NR2F1-AS1: variants seen among roughly 807,000 people sequenced by gnomAD.
NR2F1-AS1 encodes NR2F1 regulatory antisense RNA 1.
intron 4 of NR2F1-AS1, among the ~76,000 whole-genome samples, chr5:93,526,045 C>CA (rs1201351608): frequency 1.3e-5 from 2 of 152,070 alleles, no homozygotes; most frequent in South Asian, 2.1e-4. Context: ...AAAAACCCTT[C>CA]AAAAAATCAA....
chr5:93,448,178 C>T (rs1749757074), intron 4 of NR2F1-AS1, among the ~76,000 whole-genome samples: 1 of 152,008 alleles, frequency 6.6e-6, no homozygotes. Context: ...TGCACATGTA[C>T]CCTAGAACTT....
At chr5:93,582,862 A>G (rs553592983), upstream of NR2F1-AS1, among the ~76,000 whole-genome samples, 1 of 151,062 alleles carries the variant, frequency 6.6e-6, no homozygotes, top group East Asian at 2.0e-4. Flanking sequence ...GGCGATCTCA[A>G]TGTAAATTGC....
chr5:93,585,000 C>A (rs751463741), upstream of NR2F1-AS1: 5 of 993,218 alleles, frequency 5.0e-6, no homozygotes, highest in Non-Finnish European at 2.4e-6. Context: ...TCGGCTCCCC[C>A]CAGCGCTCCC....
intron 4 of NR2F1-AS1, among the ~76,000 whole-genome samples, chr5:93,516,405 T>C (rs1156427630): frequency 6.6e-6 from 1 of 151,838 alleles, no homozygotes; most frequent in African/African-American, 2.4e-5. Context: ...CATATTAATG[T>C]AAAAAGAAAT....
At chr5:93,575,793 G>A (rs1022255590) in intron 1 of NR2F1-AS1, among the ~76,000 whole-genome samples, 2 of 152,088 alleles carry the variant, frequency 1.3e-5, no homozygotes, top group Non-Finnish European at 2.9e-5. Context: ...AGAGTCAGCT[G>A]AAAGTATCAC....
At chr5:93,427,952 G>A (rs890787105) in intron 4 of NR2F1-AS1, among the ~76,000 whole-genome samples, 2 of 151,790 alleles carry the variant, frequency 1.3e-5, no homozygotes, top group Admixed American at 6.6e-5. Flanking sequence ...GAGAGGGAGC[G>A]AGGGAGGATG....
intron 4 of NR2F1-AS1, among the ~76,000 whole-genome samples, chr5:93,498,642 A>G (rs189174183): frequency 1.9e-4 from 29 of 152,308 alleles, no homozygotes; most frequent in African/African-American, 6.7e-4. Context: ...GCATCCCAAT[A>G]CTAGATGCAG....
intron 4 of NR2F1-AS1, among the ~76,000 whole-genome samples, chr5:93,413,168 T>C (rs1351771959): frequency 6.7e-6 from 1 of 149,998 alleles, no homozygotes; most frequent in East Asian, 2.0e-4. Flanking sequence ...ACAGTAAATG[T>C]CTAAACTACA....
At chr5:93,502,381 T>C (rs921287723) in intron 4 of NR2F1-AS1, among the ~76,000 whole-genome samples, 1 of 152,066 alleles carries the variant, frequency 6.6e-6, no homozygotes, top group Non-Finnish European at 1.5e-5. Flanking sequence ...AGCTTAGAAA[T>C]ACCCAGGGTT....
At chr5:93,457,287 G>A (rs1306305547) in intron 4 of NR2F1-AS1, among the ~76,000 whole-genome samples, 3 of 152,152 alleles carry the variant, frequency 2.0e-5, no homozygotes, top group African/African-American at 7.2e-5. Flanking sequence ...GCCTTCCACA[G>A]TGTTTTGTGT....
intron 1 of NR2F1-AS1, among the ~76,000 whole-genome samples, chr5:93,572,505 C>G (rs891637143): frequency 1.3e-5 from 2 of 152,198 alleles, no homozygotes; most frequent in Non-Finnish European, 2.9e-5. Context: ...CGGCTGGCTC[C>G]CCGTCCCTCC....
At chr5:93,461,664 A>C (rs1321168357) in intron 4 of NR2F1-AS1, among the ~76,000 whole-genome samples, 1 of 152,202 alleles carries the variant, frequency 6.6e-6, no homozygotes, top group African/African-American at 2.4e-5. Flanking sequence ...GAGGTTCTCA[A>C]AGGAACATGG....
chr5:93,483,599 T>G (rs1332837191), intron 4 of NR2F1-AS1, among the ~76,000 whole-genome samples: 1 of 151,870 alleles, frequency 6.6e-6, no homozygotes, highest in African/African-American at 2.4e-5. Context: ...TGAGGATGAG[T>G]CTGAAGAACT....
chr5:93,559,395 T>TA (rs1219076354), intron 2 of NR2F1-AS1, among the ~76,000 whole-genome samples: 1 of 152,250 alleles, frequency 6.6e-6, no homozygotes, highest in East Asian at 1.9e-4. Flanking sequence ...TTTGATCTTC[T>TA]ACCCAGACCA....
chr5:93,515,526 G>T (rs1429585456), intron 4 of NR2F1-AS1, among the ~76,000 whole-genome samples: 1 of 151,692 alleles, frequency 6.6e-6, no homozygotes, highest in Non-Finnish European at 1.5e-5. Flanking sequence ...GAAATTATTT[G>T]ATTAACATCT....
At chr5:93,454,782 T>A (rs1227551173) in intron 4 of NR2F1-AS1, among the ~76,000 whole-genome samples, 1 of 152,118 alleles carries the variant, frequency 6.6e-6, no homozygotes, top group East Asian at 1.9e-4. Flanking sequence ...GAAACCTCCA[T>A]AACAATCCCT....
intron 4 of NR2F1-AS1, among the ~76,000 whole-genome samples, chr5:93,492,682 T>C (rs547885129): frequency 6.6e-6 from 1 of 152,186 alleles, no homozygotes; most frequent in South Asian, 2.1e-4. Context: ...TAAAAACACA[T>C]ACACCACGAC....
At chr5:93,427,333 AT>A (rs1235314020) in intron 4 of NR2F1-AS1, among the ~76,000 whole-genome samples, 1 of 152,186 alleles carries the variant, frequency 6.6e-6, no homozygotes, top group Non-Finnish European at 1.5e-5. Context: ...AAAATGTTTA[AT>A]TTTCCAAAAT....
intron 4 of NR2F1-AS1, chr5:93,543,673 A>C (rs569037167): frequency 2.0e-5 from 3 of 152,230 alleles, no homozygotes; most frequent in Admixed American, 6.5e-5. Flanking sequence ...CTCATATTTT[A>C]TCAATGGTAA....
Sources: allele counts gnomAD v4.1 joint callset (sites outside exome capture counted in the v4.1 genomes callset), GRCh38; gene constraint gnomAD v4.1.1; transcripts MANE v1.5; gene names NCBI Gene and HGNC (gene_info 2026-07-23, HGNC 2026-07-21).